The following ZNF365 variants were observed in gnomAD, a reference collection of about 807,000 sequenced individuals.
The protein encoded by ZNF365 is zinc finger protein 365, also known as protein ZNF365.
A neutral mutation model predicts 35.0 loss-of-function variants in ZNF365; 22 were observed. The ratio of observed to expected loss-of-function variants is 0.63; its 90% CI spans 0.45 to 0.90. The LOEUF is 0.90. Ranked by LOEUF, ZNF365 falls within the 40% of genes least tolerant of loss-of-function variation. The probability of loss-of-function intolerance (pLI) is 0.00; values close to 1 mark genes in which losing one functional copy is unlikely to be tolerated. For synonymous variants in ZNF365, 188 were observed against 196.2 expected (o/e 0.96, Z 0.35); for missense variants, 448 against 500.3 (o/e 0.90, Z 1.00).
chr10:62,406,292 G>C (rs1028690255), downstream of ZNF365, among the ~76,000 whole-genome samples: 1 of 152,052 alleles, frequency 6.6e-6, no homozygotes, highest in Non-Finnish European at 1.5e-5. Context: ...TTTCTGTTCA[G>C]CCTTCAGATT....
At chr10:62,435,547 C>A (rs938426092) in intron 3 of ZNF365, among the ~76,000 whole-genome samples, 1 of 152,080 alleles carries the variant, frequency 6.6e-6, no homozygotes, top group Admixed American at 6.6e-5. Flanking sequence ...GGATAACACT[C>A]GGCCAATAAT....
At chr10:62,426,185 C>T (rs1296383241) in intron 3 of ZNF365, among the ~76,000 whole-genome samples, 1 of 152,096 alleles carries the variant, frequency 6.6e-6, no homozygotes, top group Non-Finnish European at 1.5e-5. Flanking sequence ...CTTGACTCCT[C>T]TTTCTTCCTT....
At chr10:62,426,386 C>G (rs1840250599) in intron 3 of ZNF365, among the ~76,000 whole-genome samples, 1 of 152,138 alleles carries the variant, frequency 6.6e-6, no homozygotes, top group Admixed American at 6.6e-5. Context: ...ATGATCCAGT[C>G]AAACCTCCCT....
In ZNF365 at chr10:62,400,723, T is replaced by A. The variant is rs577860424; in HGVS notation, c.*934T>A. 34 of 985,696 alleles carry A rather than the reference T, an allele frequency of 3.4e-5. No homozygotes were observed. The highest frequency in any genetic ancestry group is 4.0e-5 in the Non-Finnish European group (33 of 830,054). 61.1% of individuals were successfully genotyped at this position (985,696 alleles called of 1,614,324 possible). A position where few individuals can be genotyped will look rare whatever the true frequency, so the allele number is the denominator to read the frequency against. On this transcript the variant is annotated 3_prime_UTR_variant, in exon 5 of 5. Coordinates refer to ENST00000395254, the MANE Select transcript of ZNF365 (RefSeq NM_014951.3). The stretch of plus-strand genomic sequence containing the variant: ...AGACCTGCTTCCCGGCCAGTGTCAG[T>A]GGCCCTCTCTCTCTCTGCTATGGGC...
intron 3 of ZNF365, among the ~76,000 whole-genome samples, chr10:62,448,329 A>C (rs1409309786): frequency 1.3e-5 from 2 of 152,272 alleles, no homozygotes; most frequent in East Asian, 3.9e-4. Flanking sequence ...TCCCACCAGG[A>C]ATGTGAGGCT....
At chr10:62,377,549 G>A (rs1281428129) in intron 2 of ZNF365, among the ~76,000 whole-genome samples, 3 of 148,944 alleles carry the variant, frequency 2.0e-5, no homozygotes, top group Non-Finnish European at 4.4e-5. Context: ...TTTGAGACTT[G>A]ACTTTTTGGC....
chr10:62,406,469 G>A (rs1162593670), downstream of ZNF365, among the ~76,000 whole-genome samples: 1 of 152,138 alleles, frequency 6.6e-6, no homozygotes, highest in Non-Finnish European at 1.5e-5. Context: ...AAGGGGCCAA[G>A]TCTGTACCTT....
At chr10:62,406,535 C>T (rs1220624445), downstream of ZNF365, among the ~76,000 whole-genome samples, 1 of 152,038 alleles carries the variant, frequency 6.6e-6, no homozygotes, top group Non-Finnish European at 1.5e-5. Context: ...GGTGGGTCCT[C>T]AATAAGGTAT....
At position 62,376,313 on chromosome 10, in the gene ZNF365, G is replaced by C. The variant is rs79142251; in HGVS notation, c.120G>C (p.Leu40Phe). ...GAGACCATACCAGATTTAGAAGCTT[G>C]TCATCCTTGAGGGCCCATCTGGAGT... ...RCGDHTRFRSLSSLRAHLEFS... is the reference protein window; with the variant it reads ...RCGDHTRFRSFSSLRAHLEFS... Residue 40 changes from leucine (L) to phenylalanine (F), a missense_variant, in exon 2 of 5, where the codon TTG (leucine) becomes TTC (phenylalanine). Around this residue, in one of 3 missense-constraint regions of ZNF365, gnomAD observed 76 missense variants for 96.7 expected, o/e 0.79. Coordinates refer to ENST00000395254, the MANE Select transcript of ZNF365 (RefSeq NM_014951.3). 3,150 of 1,614,128 alleles carry C rather than the reference G, an allele frequency of 2.0e-3. 32 individuals are homozygous for C. In the African/African-American group the frequency reaches 0.027, roughly 14 times the overall value.
chr10:62,444,057 C>T (rs1268995180), intron 3 of ZNF365, among the ~76,000 whole-genome samples: 1 of 152,178 alleles, frequency 6.6e-6, no homozygotes, highest in East Asian at 1.9e-4. Flanking sequence ...TCCCTCTGCT[C>T]TTAGACTTGG....
chr10:62,416,711 TTTTGTTTG>T (rs549953901), intron 3 of ZNF365, among the ~76,000 whole-genome samples: 1 of 152,050 alleles, frequency 6.6e-6, no homozygotes, highest in Admixed American at 6.6e-5. Context: ...TTTTGGTGTT[TTTTGTTTG>T]TTTGTTTGTT....
rs1554823172 is a variant in ZNF365 at position 62,376,642 on chromosome 10, C to T, written c.449C>T (p.Thr150Ile). 12 of 1,614,132 alleles carry T rather than the reference C, an allele frequency of 7.4e-6. No individual in the cohort carries two copies. In the South Asian group the frequency reaches 1.3e-4, roughly 18 times the overall value. The change falls in exon 2 of 5, where the codon ACC (threonine) becomes ATC (isoleucine). Residue 150 changes from threonine (T) to isoleucine (I), a missense_variant. Transcript: ENST00000395254. ...ACACGGTCGGGTCCTGGACTGCCCACCTCAGACACCAAAGCTTCTTTCGAG... is the reference window on the plus strand; with the variant it reads ...ACACGGTCGGGTCCTGGACTGCCCATCTCAGACACCAAAGCTTCTTTCGAG... ...DGTRSGPGLP[T>I]SDTKASFEAH...
intron 3 of ZNF365, among the ~76,000 whole-genome samples, chr10:62,449,397 A>G (rs1386487841): frequency 6.6e-6 from 1 of 152,178 alleles, no homozygotes; most frequent in African/African-American, 2.4e-5. Flanking sequence ...CCTAATGGTG[A>G]TTACAAGAGT....
intron 3 of ZNF365, among the ~76,000 whole-genome samples, chr10:62,398,470 G>A (rs535129123): frequency 3.3e-5 from 5 of 152,124 alleles, no homozygotes; most frequent in Admixed American, 6.5e-5. Flanking sequence ...GCTCTTTTGC[G>A]TGTTTGAGAT....
chr10:62,425,112 A>T (rs1242396930), intron 3 of ZNF365, among the ~76,000 whole-genome samples: 1 of 152,178 alleles, frequency 6.6e-6, no homozygotes, highest in Non-Finnish European at 1.5e-5. Context: ...TTTGTTGATT[A>T]CACCAAAATA....
intron 3 of ZNF365, among the ~76,000 whole-genome samples, chr10:62,442,963 G>A (rs1222476030): frequency 6.6e-6 from 1 of 152,154 alleles, no homozygotes; most frequent in Non-Finnish European, 1.5e-5. Flanking sequence ...ATCAACCCCA[G>A]AAACAGAACA....
chr10:62,398,902 T>C (rs1839776431), intron 4 of ZNF365, 125 bp downstream of exon 4: 1 of 988,426 alleles, frequency 1.0e-6, no homozygotes, highest in African/African-American at 1.7e-5. Context: ...TTTGGGAGGC[T>C]TAAGTGAAAA....
intron 4 of ZNF365, among the ~76,000 whole-genome samples, chr10:62,461,734 G>T (rs1218698695): frequency 6.6e-6 from 1 of 152,040 alleles, no homozygotes; most frequent in East Asian, 1.9e-4. Flanking sequence ...TAGCAAATAG[G>T]ATTAAAGAGA....
intron 3 of ZNF365, among the ~76,000 whole-genome samples, chr10:62,416,208 T>G (rs1270194520): frequency 7.6e-4 from 1 of 1,308 alleles, no homozygotes; most frequent in African/African-American, 0.011. Context: ...ACAGGTCAAG[T>G]GTCTTAACTT....
Sources: allele counts gnomAD v4.1 joint callset (sites outside exome capture counted in the v4.1 genomes callset), GRCh38; gene constraint gnomAD v4.1.1; regional missense constraint gnomAD v4.1.1; transcripts MANE v1.5; gene names NCBI Gene and HGNC (gene_info 2026-07-23, HGNC 2026-07-21).